PCDHA2: variants seen among roughly 807,000 people sequenced by gnomAD.
The protein encoded by PCDHA2 is protocadherin alpha-2.
Under a neutral mutation model 66.0 loss-of-function variants are expected in PCDHA2, and 58 were observed. The observed-to-expected ratio is 0.88, with a 90% CI of 0.71 to 1.09. The LOEUF (loss-of-function observed/expected upper bound fraction) is 1.09. Ranked by LOEUF, PCDHA2 falls within the 50% of genes least tolerant of loss-of-function variation. The probability of loss-of-function intolerance (pLI) is 0.00; values close to 1 mark genes in which losing one functional copy is unlikely to be tolerated. For synonymous variants in PCDHA2, 634 were observed against 554.0 expected (o/e 1.14, Z -2.03); for missense variants, 1,267 against 1,242.3 (o/e 1.02, Z -0.30).
intron 1 of PCDHA2, chr5:140,801,398 G>A (rs1581642046): frequency 6.2e-7 from 1 of 1,613,688 alleles, no homozygotes; most frequent in East Asian, 2.2e-5. Flanking sequence ...TCCGGGTGGC[G>A]TCCAAAAGAC....
intron 1 of PCDHA2, chr5:140,852,609 A>G (rs1581283750): frequency 2.1e-6 from 2 of 936,558 alleles, no homozygotes; most frequent in East Asian, 1.1e-4. Context: ...TTTTCTTTCA[A>G]AACTTGAGTG....
At chr5:140,923,752 G>A (rs1004241488) in intron 1 of PCDHA2, among the ~76,000 whole-genome samples, 1 of 152,186 alleles carries the variant, frequency 6.6e-6, no homozygotes, top group Non-Finnish European at 1.5e-5. Context: ...GAGGCATATG[G>A]TGGGACAAAT....
chr5:140,843,262 G>C (rs2150356218), intron 1 of PCDHA2: 1 of 1,596,090 alleles, frequency 6.3e-7, no homozygotes, highest in South Asian at 1.1e-5. Context: ...GCCACCGTCT[G>C]CTGGTCCTGG....
chr5:140,809,284 C>T (rs1764416087), intron 1 of PCDHA2: 1 of 1,614,114 alleles, frequency 6.2e-7, no homozygotes, highest in Non-Finnish European at 8.5e-7. Context: ...TCAACGTATA[C>T]CTGATCATTG....
At chr5:140,922,655 C>G (rs1468761948) in intron 1 of PCDHA2, among the ~76,000 whole-genome samples, 1 of 152,134 alleles carries the variant, frequency 6.6e-6, no homozygotes, top group Non-Finnish European at 1.5e-5. Context: ...GTAAATATGG[C>G]TATACTGCAA....
intron 1 of PCDHA2, chr5:140,836,166 C>A (rs373780071): frequency 1.9e-6 from 3 of 1,613,826 alleles, no homozygotes; most frequent in South Asian, 1.1e-5. Flanking sequence ...GGCGAAGGTA[C>A]GTGCAGTTGA....
chr5:140,823,472 T>C lies in PCDHA2; in HGVS notation c.2388+26120T>C, dbSNP rs2150126128. 4.3e-6 allele frequency: 7 copies of C among 1,613,286 alleles called. No individual in the cohort carries two copies. The African/African-American group carries it at 5.3e-5, about 12-fold the overall frequency. On this transcript the variant is annotated intron_variant, in intron 1 of 3. Coordinates refer to ENST00000526136, the MANE Select transcript of PCDHA2 (RefSeq NM_018905.3). ...AACGACAACGCGCCGGCGCTGCTGG[T>C]GCCTCGAGTGGGTGGCACCGGCGGC...
chr5:140,877,982 T>A, intron 1 of PCDHA2: 1 of 1,221,278 alleles, frequency 8.2e-7, no homozygotes, highest in Non-Finnish European at 1.1e-6. Flanking sequence ...CTTACTCATT[T>A]TGAACTTTTA....
chr5:140,869,456 AT>A (rs1175063244), intron 1 of PCDHA2: 1 of 1,614,072 alleles, frequency 6.2e-7, no homozygotes, highest in East Asian at 2.2e-5. Flanking sequence ...CAGGTTTTCC[AT>A]GTGAACGTGG....
At chr5:140,803,304 G>T (rs1763167054) in intron 1 of PCDHA2, 2 of 1,614,120 alleles carry the variant, frequency 1.2e-6, no homozygotes, top group Non-Finnish European at 8.5e-7. Flanking sequence ...CTTGATCGTC[G>T]CCATCTGCGC....
intron 1 of PCDHA2, among the ~76,000 whole-genome samples, chr5:140,911,178 G>A (rs1227283843): frequency 1.3e-5 from 2 of 152,196 alleles, no homozygotes; most frequent in Non-Finnish European, 2.9e-5. Flanking sequence ...TGATGGCAGT[G>A]TGGGTTGGGG....
intron 1 of PCDHA2, chr5:140,802,719 G>C (rs1554122310): frequency 3.7e-6 from 6 of 1,612,610 alleles, no homozygotes; most frequent in Non-Finnish European, 4.2e-6. Flanking sequence ...GTCGAGCTAC[G>C]TGTCGGTACA....
At chr5:140,928,041 C>T (rs2084880685) in intron 1 of PCDHA2, 3 of 1,613,398 alleles carry the variant, frequency 1.9e-6, no homozygotes, top group Non-Finnish European at 2.5e-6. Context: ...CTAGTGCAGG[C>T]CCTTTTCAGC....
intron 1 of PCDHA2, chr5:140,877,121 C>T (rs782727100): frequency 6.2e-7 from 1 of 1,613,694 alleles, no homozygotes; most frequent in Non-Finnish European, 8.5e-7. Context: ...AGCAACGTGA[C>T]GCTGCAGGTG....
intron 1 of PCDHA2, chr5:140,847,368 A>G (rs1038901012): frequency 6.7e-6 from 1 of 149,822 alleles, no homozygotes; most frequent in African/African-American, 2.4e-5. Flanking sequence ...AATACGAAAT[A>G]AAAGATAAAT....
At chr5:140,823,677 C>T (rs1767833513) in intron 1 of PCDHA2, 3 of 1,613,930 alleles carry the variant, frequency 1.9e-6, no homozygotes, top group South Asian at 1.1e-5. Flanking sequence ...GCACAACACG[C>T]TCTCTGGATG....
intron 1 of PCDHA2, chr5:140,882,524 G>C (rs1340644606): frequency 9.9e-6 from 16 of 1,614,090 alleles, no homozygotes; most frequent in African/African-American, 2.7e-5. Context: ...CATTTTGTTT[G>C]TGAATTCTCG....
At chr5:140,950,549 G>A (rs1023288540) in intron 1 of PCDHA2, among the ~76,000 whole-genome samples, 1 of 151,948 alleles carries the variant, frequency 6.6e-6, no homozygotes, top group African/African-American at 2.4e-5. Context: ...TGCATGGCTG[G>A]GGGGACACTT....
intron 1 of PCDHA2, chr5:140,808,613 A>G (rs1554124655): frequency 1.9e-6 from 3 of 1,613,806 alleles, no homozygotes; most frequent in South Asian, 2.2e-5. Flanking sequence ...CCACATCTTC[A>G]CTGTGTCTGC....
Sources: allele counts gnomAD v4.1 joint callset (sites outside exome capture counted in the v4.1 genomes callset), GRCh38; gene constraint gnomAD v4.1.1; transcripts MANE v1.5; gene names NCBI Gene and HGNC (gene_info 2026-07-23, HGNC 2026-07-21).